PRDM5: variants seen among roughly 807,000 people sequenced by gnomAD.
The protein encoded by PRDM5 is PR domain zinc finger protein 5.
In PRDM5, 56 loss-of-function variants were observed where a neutral mutation model predicts 81.2. The ratio of observed to expected loss-of-function variants is 0.69; its 90% CI spans 0.56 to 0.86. The LOEUF (loss-of-function observed/expected upper bound fraction) is 0.86, where lower values mean the gene tolerates loss of function less well. Among genes scored for constraint, PRDM5 ranks in the 40% least tolerant of loss-of-function variants. The probability of loss-of-function intolerance (pLI) is 0.00; values close to 1 mark genes in which losing one functional copy is unlikely to be tolerated. For missense variants in PRDM5, 697 were observed against 770.1 expected, an observed-to-expected ratio of 0.91 and a Z score of 1.12; for synonymous variants, 267 against 256.4, an observed-to-expected ratio of 1.04 and a Z score of -0.39.
At chr4:120,799,956 TACTC>T (rs1338660105) in intron 8 of PRDM5, among the ~76,000 whole-genome samples, 2 of 152,232 alleles carry the variant, frequency 1.3e-5, no homozygotes, top group South Asian at 2.1e-4. Context: ...TGAGACATAA[TACTC>T]ACAGTCCTTA....
At chr4:120,758,804 G>A (rs1234151481) in intron 13 of PRDM5, among the ~76,000 whole-genome samples, 1 of 150,894 alleles carries the variant, frequency 6.6e-6, no homozygotes, top group Non-Finnish European at 1.5e-5. Context: ...TGCCCAGGCT[G>A]GAGTGCAGTG....
rs148449361 is a variant in PRDM5 at position 120,922,552 on chromosome 4, G to C, written c.57C>G (p.Asp19Glu). 1.9e-6 allele frequency: 3 copies of C among 1,610,728 alleles called. No individual in the cohort carries two copies. Among genetic ancestry groups the C allele is most frequent in the Non-Finnish European group, 2.5e-6 (3 of 1,179,020 alleles). ...TGCGGGCCGTGTAGAGCCCCATGCCGTCCTGAACCCGGGAGGACTTCAGGG... is the reference window on the plus strand; with the variant it reads ...TGCGGGCCGTGTAGAGCCCCATGCCCTCCTGAACCCGGGAGGACTTCAGGG... ...RFSLKSSRVQ[D>E]GMGLYTARRV... Residue 19 changes from aspartate (D) to glutamate (E), a missense_variant, in exon 1 of 16, where the codon GAC (aspartate) becomes GAG (glutamate). Coordinates refer to ENST00000264808, the MANE Select transcript of PRDM5 (RefSeq NM_018699.4).
At chr4:120,767,800 G>A (rs533549720) in intron 13 of PRDM5, among the ~76,000 whole-genome samples, 8 of 152,270 alleles carry the variant, frequency 5.3e-5, no homozygotes, top group African/African-American at 1.7e-4. Flanking sequence ...GGAGGGACCC[G>A]GTGGGAAATA....
chr4:120,750,488 C>T (rs1743823649), intron 14 of PRDM5, among the ~76,000 whole-genome samples: 1 of 152,144 alleles, frequency 6.6e-6, no homozygotes, highest in African/African-American at 2.4e-5. Context: ...GCGTCCAGGC[C>T]TCGCATGAAG....
intron 14 of PRDM5, among the ~76,000 whole-genome samples, chr4:120,740,375 A>G (rs1428522067): frequency 2.0e-5 from 3 of 152,220 alleles, no homozygotes; most frequent in African/African-American, 7.2e-5. Context: ...TTATCCAGAC[A>G]TAAAAACAGA....
chr4:120,890,680 G>A (rs1332645703), intron 2 of PRDM5, among the ~76,000 whole-genome samples: 10 of 152,126 alleles, frequency 6.6e-5, no homozygotes, highest in Admixed American at 4.6e-4. Flanking sequence ...GGTGTGGGAT[G>A]GTATCTCATT....
chr4:120,920,359 T>C (rs751668288), intron 1 of PRDM5, among the ~76,000 whole-genome samples: 1 of 152,248 alleles, frequency 6.6e-6, no homozygotes, highest in Non-Finnish European at 1.5e-5. Flanking sequence ...TTGTTTAGAA[T>C]AGAGAGCATA....
At chr4:120,759,881 A>C (rs987138554) in intron 13 of PRDM5, among the ~76,000 whole-genome samples, 6 of 152,246 alleles carry the variant, frequency 3.9e-5, no homozygotes, top group African/African-American at 1.4e-4. Flanking sequence ...ACAAATCTAA[A>C]TGGAAATAAT....
At chr4:120,839,179 C>G (rs1257087684) in intron 3 of PRDM5, 1 of 698,700 alleles carries the variant, frequency 1.4e-6, no homozygotes, top group Non-Finnish European at 2.6e-6. Context: ...CTCTCCTTCT[C>G]TTCACTCGCA....
intron 14 of PRDM5, among the ~76,000 whole-genome samples, chr4:120,753,072 T>C (rs1010701260): frequency 3.3e-5 from 5 of 152,238 alleles, no homozygotes; most frequent in Non-Finnish European, 5.9e-5. Context: ...ATCATGTCTA[T>C]CTTCAGTAAT....
At chr4:120,839,946 C>G (rs910059440) in intron 3 of PRDM5, among the ~76,000 whole-genome samples, 1 of 152,238 alleles carries the variant, frequency 6.6e-6, no homozygotes, top group Non-Finnish European at 1.5e-5. Flanking sequence ...CACCCCCAGC[C>G]AGGCTGTGAC....
intron 3 of PRDM5, among the ~76,000 whole-genome samples, chr4:120,846,163 AG>A (rs1267254603): frequency 2.6e-5 from 4 of 152,258 alleles, no homozygotes; most frequent in African/African-American, 9.6e-5. Context: ...TTGAAATGAC[AG>A]CAAAGAATTT....
intron 2 of PRDM5, among the ~76,000 whole-genome samples, chr4:120,867,549 T>C (rs1432163943): frequency 6.6e-6 from 1 of 152,190 alleles, no homozygotes; most frequent in East Asian, 1.9e-4. Context: ...TGACCATAAA[T>C]ATTTTTTCTA....
rs75697103 is a variant in PRDM5, at chr4:120,786,876, C to T, written c.1189-1785G>A. ...CAAAAGGACTCCCTTCCAAATAGCACTCCTAAAATTTCATTCATCGTTTTA... is the reference window on the plus strand; with the variant it reads ...CAAAAGGACTCCCTTCCAAATAGCATTCCTAAAATTTCATTCATCGTTTTA... On this transcript the variant is annotated intron_variant, in intron 10 of 15. Transcript: ENST00000264808. 4.6e-5 allele frequency among the ~76,000 whole-genome samples: 7 copies of T among 152,274 alleles called. No individual in the cohort carries two copies. In the East Asian group the frequency reaches 5.8e-4, roughly 13 times the overall value.
At chr4:120,846,349 A>G (rs1758650685) in intron 3 of PRDM5, among the ~76,000 whole-genome samples, 1 of 152,204 alleles carries the variant, frequency 6.6e-6, no homozygotes. Context: ...TGTCTTATTT[A>G]AGAAATTACC....
rs143970949 is a variant in PRDM5, at chr4:120,739,791, C to T, written c.1623+14762G>A. On this transcript the variant is annotated intron_variant, in intron 14 of 15. Transcript: ENST00000264808. Reference sequence around the variant, plus strand: ...CATTTGGTATGCCAAAAAAGTATTCCTAACTGGGAAATTTAAAACTTTCTT... The same window carrying T: ...CATTTGGTATGCCAAAAAAGTATTCTTAACTGGGAAATTTAAAACTTTCTT... Among the ~76,000 whole-genome samples, 13 of 151,844 alleles carry T rather than the reference C, an allele frequency of 8.6e-5. 1 individual carries two copies. The South Asian group carries it at 2.7e-3, about 32-fold the overall frequency.
At chr4:120,805,828 CAT>C (rs1238992055) in intron 8 of PRDM5, among the ~76,000 whole-genome samples, 1 of 152,086 alleles carries the variant, frequency 6.6e-6, no homozygotes, top group African/African-American at 2.4e-5. Context: ...TCCTATTCAA[CAT>C]AGTGTTGGAA....
intron 14 of PRDM5, among the ~76,000 whole-genome samples, chr4:120,729,503 T>C (rs985185623): frequency 1.3e-5 from 2 of 152,188 alleles, no homozygotes; most frequent in African/African-American, 4.8e-5. Flanking sequence ...AAACTTGCCA[T>C]GTGACCTACT....
chr4:120,747,870 T>C lies in PRDM5; in HGVS notation c.1623+6683A>G, dbSNP rs569427261. 1.1e-3 allele frequency among the ~76,000 whole-genome samples: 171 copies of C among 152,342 alleles called. 1 individual carries two copies. Among genetic ancestry groups the C allele is most frequent in the African/African-American group, 4.1e-3 (169 of 41,572 alleles). On this transcript the variant is annotated intron_variant, in intron 14 of 15. Coordinates refer to ENST00000264808, the MANE Select transcript of PRDM5 (RefSeq NM_018699.4). ...GTATAAGTTAATTGGGTTTTTGAAA[T>C]GTGTTCAAAAGGCAGAGTTTCTGAA...
Sources: gnomAD v4.1 joint callset for allele counts (sites outside exome capture counted in the v4.1 genomes callset) on GRCh38, gnomAD v4.1.1 for gene constraint, MANE v1.5 for transcripts, NCBI Gene and HGNC (gene_info 2026-07-23, HGNC 2026-07-21) for gene names.